RAB31: variants seen among roughly 807,000 people sequenced by gnomAD.
RAB31 encodes ras-related protein Rab-31.
RAB31 carries 21 observed loss-of-function variants against 25.6 expected under a neutral mutation model. The ratio of observed to expected loss-of-function variants is 0.82; its 90% CI spans 0.58 to 1.18. The LOEUF is 1.18. RAB31 is among the 50% of genes most tolerant of loss of function. RAB31 has a pLI of 0.00. For synonymous variants in RAB31, 87 were observed against 84.0 expected (o/e 1.04, Z -0.20); for missense variants, 196 against 250.1 (o/e 0.78, Z 1.46).
intron 3 of RAB31, among the ~76,000 whole-genome samples, chr18:9,811,977 G>C (rs2068574115): frequency 6.6e-6 from 1 of 152,220 alleles, no homozygotes; most frequent in Non-Finnish European, 1.5e-5. Context: ...CCATTTGGGA[G>C]CTGGGAAGTC....
intron 6 of RAB31, among the ~76,000 whole-genome samples, chr18:9,847,878 G>A (rs1298129679): frequency 6.6e-6 from 1 of 152,060 alleles, no homozygotes; most frequent in African/African-American, 2.4e-5. Context: ...ATGGCTTGTA[G>A]TAATAACTTA....
chr18:9,756,289 A>G (rs994060131), intron 1 of RAB31, among the ~76,000 whole-genome samples: 9 of 152,218 alleles, frequency 5.9e-5, no homozygotes, highest in Admixed American at 2.6e-4. Flanking sequence ...GTCAAAAACC[A>G]TTATTATTTA....
intron 1 of RAB31, among the ~76,000 whole-genome samples, chr18:9,715,528 C>CTTTTTTTT (rs1161797158): frequency 7.8e-6 from 1 of 128,196 alleles, no homozygotes. Context: ...CTCTCTCTCT[C>CTTTTTTTT]TTTTTTTTTT....
intron 1 of RAB31, among the ~76,000 whole-genome samples, chr18:9,709,088 CGG>C (rs1172390978): frequency 6.6e-6 from 1 of 152,176 alleles, no homozygotes; most frequent in South Asian, 2.1e-4. Context: ...TTCCCTGCTG[CGG>C]GTGAAAGAAG....
chr18:9,776,661 C>T (rs1194026920), intron 2 of RAB31, among the ~76,000 whole-genome samples: 1 of 152,136 alleles, frequency 6.6e-6, no homozygotes, highest in African/African-American at 2.4e-5. Context: ...CAGAAGACCC[C>T]CGAGTCACAG....
chr18:9,746,421 TC>T (rs1289833649), intron 1 of RAB31, among the ~76,000 whole-genome samples: 1 of 144,988 alleles, frequency 6.9e-6, no homozygotes, highest in Non-Finnish European at 1.5e-5. Context: ...ATGCTGACTC[TC>T]AAATACATAC....
At chr18:9,850,893 A>T (rs2068786047) in intron 6 of RAB31, among the ~76,000 whole-genome samples, 1 of 151,994 alleles carries the variant, frequency 6.6e-6, no homozygotes, top group Non-Finnish European at 1.5e-5. Flanking sequence ...TAAATAAATA[A>T]GGTAAATATA....
Position 9,708,605 on chromosome 18 carries a change from C to T in RAB31, c.39+161C>T, listed in dbSNP as rs991658300. Reference sequence around the variant, plus strand: ...CCGCGCGCCCCCTGGTTCCCCGGGTCCCCCTGGCTCCCCTAGTCCGTGCGC... The same window carrying T: ...CCGCGCGCCCCCTGGTTCCCCGGGTTCCCCTGGCTCCCCTAGTCCGTGCGC... On this transcript the variant is annotated intron_variant, in intron 1 of 6. Coordinates refer to ENST00000578921, the MANE Select transcript of RAB31 (RefSeq NM_006868.4). The surrounding 1 kb of genome is among the most constrained non-coding windows in gnomAD (Gnocchi z 6.4). Among the ~76,000 whole-genome samples the T allele has an allele frequency of 2.0e-5, 3 of 151,402 alleles. No individual in the cohort carries two copies. Among genetic ancestry groups the T allele is most frequent in the Non-Finnish European group, 4.4e-5 (3 of 67,790 alleles).
chr18:9,722,075 G>C (rs2068076193), intron 1 of RAB31, among the ~76,000 whole-genome samples: 1 of 152,152 alleles, frequency 6.6e-6, no homozygotes, highest in African/African-American at 2.4e-5. Context: ...GGGCAGGAAA[G>C]AGAAGGGAGG....
intron 3 of RAB31, among the ~76,000 whole-genome samples, chr18:9,807,316 C>CTGTGTG (rs1410062882): frequency 6.6e-6 from 1 of 152,198 alleles, no homozygotes; most frequent in Non-Finnish European, 1.5e-5. Context: ...GGTACGCTTA[C>CTGTGTG]TGTGACCTTG....
At chr18:9,838,004 G>A (rs909138928) in intron 5 of RAB31, among the ~76,000 whole-genome samples, 1 of 152,182 alleles carries the variant, frequency 6.6e-6, no homozygotes, top group Non-Finnish European at 1.5e-5. Flanking sequence ...CTGTAAGAAA[G>A]TAGTGCCATG....
intron 1 of RAB31, among the ~76,000 whole-genome samples, chr18:9,757,034 C>T (rs1460953053): frequency 6.6e-6 from 1 of 152,218 alleles, no homozygotes; most frequent in African/African-American, 2.4e-5. Flanking sequence ...ATTCATTCCT[C>T]TCTTGTTTCT....
At chr18:9,857,831 C>A (rs139553974) in intron 6 of RAB31, among the ~76,000 whole-genome samples, 1,881 of 150,552 alleles carry the variant, frequency 0.012, 47 homozygotes, top group African/African-American at 0.044. Flanking sequence ...AGTTTGAGAC[C>A]AGCCTGGGCA....
chr18:9,739,558 A>G (rs1173421265), intron 1 of RAB31, among the ~76,000 whole-genome samples: 1 of 139,120 alleles, frequency 7.2e-6, no homozygotes, highest in Non-Finnish European at 1.6e-5. Context: ...AAAAAAAAAA[A>G]AGTAAACAAA....
chr18:9,765,523 G>C (rs1395309201), intron 1 of RAB31, among the ~76,000 whole-genome samples: 2 of 152,136 alleles, frequency 1.3e-5, no homozygotes. Context: ...CTTATTTTTG[G>C]TAGTGGTTAC....
chr18:9,785,595 C>A (rs1015994958), intron 2 of RAB31, among the ~76,000 whole-genome samples: 1 of 152,156 alleles, frequency 6.6e-6, no homozygotes, highest in East Asian at 1.9e-4. Flanking sequence ...CTCCTTTTAC[C>A]TGCCCAAGGC....
chr18:9,823,261 A>C (rs548604282), intron 5 of RAB31, among the ~76,000 whole-genome samples: 2 of 152,024 alleles, frequency 1.3e-5, no homozygotes, highest in South Asian at 4.2e-4. Context: ...GGGGTGGGGG[A>C]CGGGGAGGAA....
chr18:9,772,093 G>A (rs772446011), intron 1 of RAB31, among the ~76,000 whole-genome samples: 27 of 152,268 alleles, frequency 1.8e-4, no homozygotes, highest in Middle Eastern at 3.4e-3. Context: ...CTTCAAGGGC[G>A]TTTTGGGGCT....
At chr18:9,725,397 A>G (rs1435239203) in intron 1 of RAB31, among the ~76,000 whole-genome samples, 1 of 152,210 alleles carries the variant, frequency 6.6e-6, no homozygotes, top group African/African-American at 2.4e-5. Flanking sequence ...GGCAAGTTCT[A>G]TTCTCATCTT....
Sources: allele counts gnomAD v4.1 joint callset (sites outside exome capture counted in the v4.1 genomes callset), GRCh38; gene constraint gnomAD v4.1.1; non-coding constraint Gnocchi (gnomAD v3.1); transcripts MANE v1.5; gene names NCBI Gene and HGNC (gene_info 2026-07-23, HGNC 2026-07-21).